Variants in RTF1 observed in about 807,000 individuals in gnomAD.
RTF1 encodes the protein RNA polymerase-associated protein RTF1 homolog.
RTF1 carries 10 observed loss-of-function variants against 95.7 expected under a neutral mutation model. The ratio of observed to expected loss-of-function variants is 0.10; its 90% CI spans 0.06 to 0.18. The LOEUF is 0.18. RTF1 is among the 10% of genes least tolerant of loss of function. RTF1 has a pLI of 1.00. For missense variants in RTF1, 458 were observed against 875.6 expected (o/e 0.52, Z 6.02); for synonymous variants, 305 against 311.8 (o/e 0.98, Z 0.23).
chr15:41,424,812 C>T (rs2050620418), intron 1 of RTF1, among the ~76,000 whole-genome samples: 1 of 152,102 alleles, frequency 6.6e-6, no homozygotes, highest in South Asian at 2.1e-4. Flanking sequence ...GGAGTTCGAC[C>T]AGGCGGGCCA....
chr15:41,429,462 C>G (rs1204033055), intron 1 of RTF1, among the ~76,000 whole-genome samples: 2 of 150,420 alleles, frequency 1.3e-5, no homozygotes, highest in Non-Finnish European at 3.0e-5. Context: ...CTCTCTCTCT[C>G]TTTCCAGGAG....
intron 1 of RTF1, among the ~76,000 whole-genome samples, chr15:41,431,949 G>A (rs926846583): frequency 1.3e-5 from 2 of 151,800 alleles, no homozygotes; most frequent in African/African-American, 4.8e-5. Flanking sequence ...ACAGGTGCAC[G>A]CCCCCATGCC....
chr15:41,429,846 C>G (rs1364591172), intron 1 of RTF1, among the ~76,000 whole-genome samples: 2 of 152,014 alleles, frequency 1.3e-5, no homozygotes, highest in Non-Finnish European at 1.5e-5. Context: ...ATTTGATTCA[C>G]TTCCTTCTTA....
chr15:41,479,689 C>T (rs1246685515), intron 16 of RTF1, among the ~76,000 whole-genome samples: 6 of 151,824 alleles, frequency 4.0e-5, no homozygotes, highest in Non-Finnish European at 7.4e-5. Context: ...GGTAGAACCC[C>T]GTCTCTACTA....
At chr15:41,449,530 G>A (rs1205032423) in intron 2 of RTF1, among the ~76,000 whole-genome samples, 1 of 152,032 alleles carries the variant, frequency 6.6e-6, no homozygotes, top group Admixed American at 6.6e-5. Context: ...TTAAATAGAG[G>A]TGGGGTCTTG....
intron 1 of RTF1, among the ~76,000 whole-genome samples, chr15:41,436,653 G>A (rs1469813116): frequency 6.6e-6 from 1 of 150,694 alleles, no homozygotes; most frequent in Non-Finnish European, 1.5e-5. Context: ...AATTAGCCAG[G>A]CATGGTGGCA....
At chr15:41,439,142 C>T (rs1401195605) in intron 2 of RTF1, among the ~76,000 whole-genome samples, 2 of 151,464 alleles carry the variant, frequency 1.3e-5, no homozygotes, top group Non-Finnish European at 2.9e-5. Context: ...CGCCATTCTC[C>T]TGCCTCAGCC....
At chr15:41,479,387 C>G (rs759480000) in intron 16 of RTF1, among the ~76,000 whole-genome samples, 189 bp downstream of exon 16, 6 of 152,204 alleles carry the variant, frequency 3.9e-5, no homozygotes, top group South Asian at 2.1e-4. Context: ...CCTGACACCA[C>G]TACTTGCCTA....
intron 6 of RTF1, among the ~76,000 whole-genome samples, chr15:41,467,947 G>A (rs1052489091): frequency 1.3e-5 from 2 of 151,516 alleles, no homozygotes; most frequent in African/African-American, 2.4e-5. Context: ...GGCAGATCAC[G>A]TGAGGTCTGG....
chr15:41,467,189 T>C (rs2050884938), intron 6 of RTF1, among the ~76,000 whole-genome samples: 1 of 152,176 alleles, frequency 6.6e-6, no homozygotes, highest in Non-Finnish European at 1.5e-5. Flanking sequence ...TGGAATTATC[T>C]CCAAGCTATA....
intron 2 of RTF1, among the ~76,000 whole-genome samples, chr15:41,446,877 A>C (rs2050766407): frequency 1.4e-5 from 2 of 146,464 alleles, no homozygotes; most frequent in Non-Finnish European, 3.0e-5. Flanking sequence ...ATCTTGGCTT[A>C]CTGCAACCTC....
chr15:41,459,300 C>T (rs1041512453), intron 4 of RTF1, among the ~76,000 whole-genome samples: 4 of 151,950 alleles, frequency 2.6e-5, no homozygotes, highest in African/African-American at 7.2e-5. Context: ...CATTTGAGCC[C>T]GGAATGTAGA....
chr15:41,473,278 C>T (rs572795761), intron 8 of RTF1, among the ~76,000 whole-genome samples: 7 of 151,872 alleles, frequency 4.6e-5, no homozygotes, highest in African/African-American at 9.7e-5. Context: ...GGACTACAGG[C>T]GCCCACCACC....
At chr15:41,454,422 TAAATAAA>T (rs1366553545) in intron 3 of RTF1, among the ~76,000 whole-genome samples, 1 of 151,940 alleles carries the variant, frequency 6.6e-6, no homozygotes, top group Non-Finnish European at 1.5e-5. Flanking sequence ...TGCCAGCTAA[TAAATAAA>T]AAAGAAATTA....
chr15:41,429,193 G>A (rs1301244278), intron 1 of RTF1, among the ~76,000 whole-genome samples: 2 of 152,080 alleles, frequency 1.3e-5, no homozygotes, highest in African/African-American at 4.8e-5. Context: ...GAGCCACCAC[G>A]CCCAGCCAAT....
At chr15:41,478,232 CT>C (rs2050951985) in intron 14 of RTF1, among the ~76,000 whole-genome samples, 1 of 152,084 alleles carries the variant, frequency 6.6e-6, no homozygotes, top group Admixed American at 6.6e-5. Flanking sequence ...GAAACCCTGT[CT>C]CTACTAAAAA....
chr15:41,429,073 G>T (rs1026637253), intron 1 of RTF1, among the ~76,000 whole-genome samples: 1 of 151,904 alleles, frequency 6.6e-6, no homozygotes, highest in East Asian at 1.9e-4. Flanking sequence ...TAGAGACAGG[G>T]TCTCCCTGTG....
rs1321979123 is a variant in RTF1 at position 41,428,538 on chromosome 15, G to A, written c.199-9783G>A. Among the ~76,000 whole-genome samples, 3 of 150,958 alleles carry A rather than the reference G, an allele frequency of 2.0e-5. No individual in the cohort carries two copies. The South Asian group carries it at 6.3e-4, about 32-fold the overall frequency. ...CCACCTCAGCCTCCCAAAGTGCTGG[G>A]ATTACAAGTGTGAGCTACCGTGTCC... On this transcript the variant is annotated intron_variant, in intron 1 of 17. Transcript: ENST00000389629.
At chr15:41,464,237 A>G (rs1280981217) in intron 4 of RTF1, among the ~76,000 whole-genome samples, 2 of 147,816 alleles carry the variant, frequency 1.4e-5, no homozygotes, top group Admixed American at 6.8e-5. Context: ...AATACCCTAT[A>G]TATGTTCTCT....
Sources: allele counts gnomAD v4.1 joint callset (sites outside exome capture counted in the v4.1 genomes callset), GRCh38; gene constraint gnomAD v4.1.1; transcripts MANE v1.5; gene names NCBI Gene and HGNC (gene_info 2026-07-23, HGNC 2026-07-21).